FGF14: variants seen among roughly 807,000 people sequenced by gnomAD.
FGF14 encodes the protein fibroblast growth factor 14.
In FGF14, 5 loss-of-function variants were observed where a neutral mutation model predicts 25.5. That is an observed-to-expected ratio of 0.20 (90% CI 0.10 to 0.41). The LOEUF is 0.41. Ranked by LOEUF, FGF14 falls within the 10% of genes least tolerant of loss-of-function variation. The pLI is 1.00. For synonymous variants in FGF14, 138 were observed against 118.3 expected (o/e 1.17, Z -1.08); for missense variants, 222 against 320.1 (o/e 0.69, Z 2.34).
chr13:102,201,029 G>A (rs1173987501), intron 1 of FGF14, among the ~76,000 whole-genome samples: 2 of 143,406 alleles, frequency 1.4e-5, no homozygotes, highest in African/African-American at 5.2e-5. Context: ...GTGAACCCGG[G>A]AGGCGGAGCT....
chr13:101,961,717 C>CT (rs2036870300), intron 1 of FGF14, among the ~76,000 whole-genome samples: 1 of 152,236 alleles, frequency 6.6e-6, no homozygotes, highest in South Asian at 2.1e-4. Flanking sequence ...TTATGAGGGC[C>CT]TTTTCCCCTT....
Position 101,714,998 on chromosome 13 carries a change from C to T in FGF14, c.*7833G>A, listed in dbSNP as rs952288671. On this transcript the variant is annotated 3_prime_UTR_variant, in exon 5 of 5. Coordinates refer to ENST00000376143, the MANE Select transcript of FGF14 (RefSeq NM_004115.4). ...GGGAGAGGTATAAAGAGGGCTCAGC[C>T]GTGTCATAGCCACTGCTATCCTAAT... 15 of 168,224 alleles carry T rather than the reference C, an allele frequency of 8.9e-5. No homozygotes were observed. The highest frequency in any genetic ancestry group is 1.7e-4 in the Non-Finnish European group (13 of 78,068). 10.4% of individuals were successfully genotyped at this position (168,224 alleles called of 1,614,324 possible).
intron 1 of FGF14, among the ~76,000 whole-genome samples, chr13:102,149,073 A>G (rs918054826): frequency 2.6e-5 from 4 of 152,192 alleles, no homozygotes. Flanking sequence ...AGTACTTACT[A>G]TGTGTTAAGC....
intron 1 of FGF14, among the ~76,000 whole-genome samples, chr13:101,981,023 C>A (rs1185949882): frequency 4.7e-5 from 7 of 148,646 alleles, no homozygotes; most frequent in African/African-American, 7.4e-5. Context: ...GGGTGGATTG[C>A]CTGAGTTCAG....
intron 1 of FGF14, among the ~76,000 whole-genome samples, chr13:102,206,842 T>C (rs977933629): frequency 6.6e-6 from 1 of 152,166 alleles, no homozygotes; most frequent in African/African-American, 2.4e-5. Context: ...AAGCTAAATA[T>C]TCTAATCAGG....
chr13:101,827,109 A>G (rs575700301), intron 3 of FGF14, among the ~76,000 whole-genome samples: 1 of 152,154 alleles, frequency 6.6e-6, no homozygotes, highest in East Asian at 1.9e-4. Flanking sequence ...ATTTTTGTTA[A>G]TACATAATAT....
intron 1 of FGF14, among the ~76,000 whole-genome samples, chr13:102,198,598 C>A (rs983970344): frequency 2.0e-5 from 3 of 152,180 alleles, no homozygotes; most frequent in East Asian, 3.9e-4. Flanking sequence ...GGAGACAGGG[C>A]GTGGTAATGT....
intron 3 of FGF14, among the ~76,000 whole-genome samples, chr13:101,754,441 A>T (rs2037508948): frequency 6.6e-6 from 1 of 152,168 alleles, no homozygotes; most frequent in African/African-American, 2.4e-5. Flanking sequence ...TTTAACAATA[A>T]CAAATGGCCA....
At chr13:102,273,094 A>G (rs2053331936) in intron 1 of FGF14, among the ~76,000 whole-genome samples, 2 of 152,198 alleles carry the variant, frequency 1.3e-5, no homozygotes, top group Admixed American at 6.5e-5. Context: ...GAAAAAGGCA[A>G]AGACTTTTCC....
chr13:102,071,044 T>TTAGCAGTGAAA (rs1192262328), intron 1 of FGF14, among the ~76,000 whole-genome samples: 1 of 152,120 alleles, frequency 6.6e-6, no homozygotes, highest in African/African-American at 2.4e-5. Flanking sequence ...TCCTATAACT[T>TTAGCAGTGAAA]TAGCAGTGAA....
intron 1 of FGF14, among the ~76,000 whole-genome samples, chr13:102,142,555 G>A (rs2046687028): frequency 6.6e-6 from 1 of 152,092 alleles, no homozygotes; most frequent in African/African-American, 2.4e-5. Context: ...CTGGAAAAGG[G>A]CCTTGTGAGA....
At chr13:102,044,661 A>C (rs1338885734) in intron 1 of FGF14, among the ~76,000 whole-genome samples, 2 of 152,164 alleles carry the variant, frequency 1.3e-5, no homozygotes, top group African/African-American at 2.4e-5. Flanking sequence ...TTCCAAACCC[A>C]TGATCTCTCA....
intron 1 of FGF14, among the ~76,000 whole-genome samples, chr13:101,890,972 C>A (rs2046239276): frequency 6.6e-6 from 1 of 151,976 alleles, no homozygotes; most frequent in African/African-American, 2.4e-5. Flanking sequence ...AATGTCTACC[C>A]CATCAAGGTA....
At chr13:102,276,373 A>G (rs2053552381) in intron 1 of FGF14, among the ~76,000 whole-genome samples, 1 of 142,342 alleles carries the variant, frequency 7.0e-6, no homozygotes, top group Non-Finnish European at 1.5e-5. Flanking sequence ...ATATATATAT[A>G]TATATATACA....
intron 1 of FGF14, among the ~76,000 whole-genome samples, chr13:102,098,940 A>G (rs1398272168): frequency 6.6e-6 from 1 of 152,246 alleles, no homozygotes; most frequent in African/African-American, 2.4e-5. Flanking sequence ...AAGGACAGAA[A>G]ACTATTTTCT....
intron 1 of FGF14, among the ~76,000 whole-genome samples, chr13:102,165,566 C>CA (rs1180734691): frequency 6.9e-6 from 1 of 145,280 alleles, no homozygotes; most frequent in Non-Finnish European, 1.5e-5. Flanking sequence ...ATCGCAAGGA[C>CA]AAAAAACCAA....
At chr13:102,249,307 ATGT>A (rs1433556030) in intron 1 of FGF14, among the ~76,000 whole-genome samples, 1 of 152,196 alleles carries the variant, frequency 6.6e-6, no homozygotes. Context: ...GGATAGCAAA[ATGT>A]TGTTCAAATC....
chr13:101,960,889 C>A (rs537609607), intron 1 of FGF14, among the ~76,000 whole-genome samples: 6 of 152,202 alleles, frequency 3.9e-5, no homozygotes, highest in Admixed American at 2.0e-4. Context: ...GTCATTCTGA[C>A]TGGAGTGAGA....
At chr13:102,173,502 A>G (rs73583560) in intron 1 of FGF14, among the ~76,000 whole-genome samples, 3,868 of 152,316 alleles carry the variant, frequency 0.025, 146 homozygotes, top group African/African-American at 0.088. Flanking sequence ...TACTGAAATC[A>G]GTATCTTGAA....
Sources: gnomAD v4.1 joint callset for allele counts (sites outside exome capture counted in the v4.1 genomes callset) on GRCh38, gnomAD v4.1.1 for gene constraint, MANE v1.5 for transcripts, NCBI Gene and HGNC (gene_info 2026-07-23, HGNC 2026-07-21) for gene names.